MEAK7: variants seen among roughly 807,000 people sequenced by gnomAD.
MEAK7 encodes MTOR associated protein MEAK7.
A neutral mutation model predicts 40.5 loss-of-function variants in MEAK7; 68 were observed. The ratio of observed to expected loss-of-function variants is 1.68; its 90% CI spans 1.38 to 2.06. The LOEUF is 2.06. MEAK7 is among the 30% of genes most tolerant of loss of function. MEAK7 has a pLI of 0.00. For synonymous variants in MEAK7, 338 were observed against 231.9 expected (o/e 1.46, Z -4.16); for missense variants, 918 against 580.5 (o/e 1.58, Z -5.98).
Position 84,479,011 on chromosome 16 carries a change from C to T in MEAK7, c.*902G>A, listed in dbSNP as rs1912271511. The T allele has an allele frequency of 6.6e-6, 1 of 152,248 alleles. No individual in the cohort carries two copies. The highest frequency in any genetic ancestry group is 1.5e-5 in the Non-Finnish European group (1 of 68,052). 9.4% of individuals were successfully genotyped at this position (152,248 alleles called of 1,614,324 possible). A position where few individuals can be genotyped will look rare whatever the true frequency, so the allele number is the denominator to read the frequency against. ...AGTTAGCAAGAGAACCACAACTTTGCTTCTCTGTAGACAGATCTCCCAACT... is the reference window on the plus strand; with the variant it reads ...AGTTAGCAAGAGAACCACAACTTTGTTTCTCTGTAGACAGATCTCCCAACT... On this transcript the variant is annotated 3_prime_UTR_variant, in exon 8 of 8. Coordinates refer to ENST00000343629, the MANE Select transcript of MEAK7 (RefSeq NM_020947.4).
At chr16:84,494,391 A>T (rs1415747092) in intron 3 of MEAK7, among the ~76,000 whole-genome samples, 1 of 152,144 alleles carries the variant, frequency 6.6e-6, no homozygotes, top group Non-Finnish European at 1.5e-5. Context: ...TCCTGGCTAC[A>T]AGTCTTTAAA....
chr16:84,478,345 C>G lies in MEAK7; in HGVS notation c.*1568G>C, dbSNP rs1310334558. The G allele has an allele frequency of 1.3e-5, 2 of 152,172 alleles. No individual in the cohort carries two copies. The highest frequency in any genetic ancestry group is 6.5e-5 in the Admixed American group (1 of 15,284). The allele number at this position is 152,172 out of a possible 1,614,324, so 9.4% of individuals were successfully genotyped here. On this transcript the variant is annotated 3_prime_UTR_variant, in exon 8 of 8. Coordinates refer to ENST00000343629, the MANE Select transcript of MEAK7 (RefSeq NM_020947.4). ...TGAGCGTGCACTTTTCTTTCGAAGG[C>G]TAATTTATGAGGCATTCTGCCTGAG... is the stretch of plus-strand genomic sequence containing the variant.
rs181777719 is a variant in MEAK7, at chr16:84,479,802, C to A, written c.*111G>T. ...CATGTGGGACTACCAGGCTGTGACCCGTGCGGTACGCTATTACAGTTAAAC... is the reference window on the plus strand; with the variant it reads ...CATGTGGGACTACCAGGCTGTGACCAGTGCGGTACGCTATTACAGTTAAAC... On this transcript the variant is annotated 3_prime_UTR_variant, in exon 8 of 8. Transcript: ENST00000343629. 8 of 680,834 alleles carry A rather than the reference C, an allele frequency of 1.2e-5. No individual in the cohort carries two copies. In the East Asian group the frequency reaches 1.6e-4, roughly 14 times the overall value. 42.2% of individuals were successfully genotyped at this position (680,834 alleles called of 1,614,324 possible).
chr16:84,502,633 C>G (rs906326197), intron 1 of MEAK7: 5 of 151,728 alleles, frequency 3.3e-5, no homozygotes, highest in African/African-American at 1.2e-4. Context: ...CCTATAATCC[C>G]AGAACTTTGG....
intron 4 of MEAK7, 137 bp from the exon 5 acceptor site, chr16:84,487,196 G>A (rs1223405093): frequency 1.4e-5 from 11 of 770,104 alleles, no homozygotes; most frequent in African/African-American, 3.5e-5. Flanking sequence ...CGTGTGAATT[G>A]AGAGGTGCCG....
intron 2 of MEAK7, chr16:84,497,686 G>A: frequency 6.8e-7 from 1 of 1,475,862 alleles, no homozygotes; most frequent in Non-Finnish European, 9.0e-7. Context: ...TCAAAAACGG[G>A]GAGGGATGCG....
chr16:84,497,875 G>C (rs1303222358), intron 2 of MEAK7, 59 bp downstream of exon 2: 18 of 1,604,090 alleles, frequency 1.1e-5, no homozygotes, highest in Non-Finnish European at 1.5e-5. Context: ...TGGCCTGAAA[G>C]CCACAGTTTG....
intron 6 of MEAK7, among the ~76,000 whole-genome samples, chr16:84,481,218 A>C (rs1049576648): frequency 5.3e-5 from 8 of 152,200 alleles, no homozygotes; most frequent in African/African-American, 1.9e-4. Context: ...GGCGGATGCG[A>C]ACCCCTGTGC....
chr16:84,486,433 C>A, intron 5 of MEAK7, 198 bp downstream of exon 5: 9 of 1,370,646 alleles, frequency 6.6e-6, no homozygotes, highest in Non-Finnish European at 8.4e-6. Context: ...AACTGGGGGT[C>A]ACACGGCCTG....
intron 3 of MEAK7, among the ~76,000 whole-genome samples, chr16:84,492,184 G>A (rs985657408): frequency 6.6e-6 from 1 of 152,122 alleles, no homozygotes; most frequent in African/African-American, 2.4e-5. Context: ...TTAGTTCAGA[G>A]GTTCTCTGTA....
chr16:84,493,707 A>G (rs1913815330), intron 3 of MEAK7, among the ~76,000 whole-genome samples: 1 of 152,232 alleles, frequency 6.6e-6, no homozygotes, highest in African/African-American at 2.4e-5. Flanking sequence ...TTATTTGCAT[A>G]CATTCAATAA....
At chr16:84,496,036 G>T in intron 2 of MEAK7, 123 bp from the exon 3 acceptor site, 1 of 1,013,520 alleles carries the variant, frequency 9.9e-7, no homozygotes. Flanking sequence ...GTTTTTTAAA[G>T]CATCTCTGAA....
Position 84,479,815 on chromosome 16 carries a change from A to C in MEAK7, c.*98T>G. 1.1e-6 allele frequency: 1 copy of C among 883,442 alleles called. No homozygotes were observed. Among genetic ancestry groups the C allele is most frequent in the Non-Finnish European group, 1.7e-6 (1 of 594,070 alleles). 54.7% of individuals were successfully genotyped at this position (883,442 alleles called of 1,614,324 possible). On this transcript the variant is annotated 3_prime_UTR_variant, in exon 8 of 8. Transcript: ENST00000343629. ...CAGGCTGTGACCCGTGCGGTACGCT[A>C]TTACAGTTAAACCATGTGGGAGGGA... is the stretch of plus-strand genomic sequence containing the variant.
At chr16:84,493,868 T>C (rs963919370) in intron 3 of MEAK7, among the ~76,000 whole-genome samples, 1 of 152,146 alleles carries the variant, frequency 6.6e-6, no homozygotes, top group African/African-American at 2.4e-5. Flanking sequence ...CCTCACACTG[T>C]CCTTTACAGG....
intron 4 of MEAK7, chr16:84,488,458 A>G (rs1372238475): frequency 6.6e-6 from 1 of 152,124 alleles, no homozygotes; most frequent in African/African-American, 2.4e-5. Flanking sequence ...ATTTAAATAT[A>G]TACTGCTTCT....
chr16:84,485,181 G>C (rs765746449), intron 5 of MEAK7, among the ~76,000 whole-genome samples: 1 of 152,224 alleles, frequency 6.6e-6, no homozygotes, highest in African/African-American at 2.4e-5. Context: ...CCGTGGCAAG[G>C]CTGAGGCTGC....
chr16:84,495,948 G>C (rs368493355), intron 2 of MEAK7, 35 bp from the exon 3 acceptor site: 1 of 1,605,572 alleles, frequency 6.2e-7, no homozygotes, highest in African/African-American at 1.3e-5. Flanking sequence ...TGGTTAGACA[G>C]TGCACAAGTT....
At position 84,498,127 on chromosome 16, in the gene MEAK7, A is replaced by T. The variant is rs1166241061; in HGVS notation, c.-25-16T>A. 1.3e-6 allele frequency: 2 copies of T among 1,543,984 alleles called. No homozygotes were observed. Among genetic ancestry groups the T allele is most frequent in the African/African-American group, 2.8e-5 (2 of 72,156 alleles). On this transcript the variant is annotated splice_polypyrimidine_tract_variant and intron_variant, in intron 1 of 7. Coordinates refer to ENST00000343629, the MANE Select transcript of MEAK7 (RefSeq NM_020947.4). ...GCAGAATTCTCTGCAGAAGGAAAAG[A>T]CACAACATTAGAAAAATCAAAATTT...
At chr16:84,482,172 C>T (rs1246033826) in intron 6 of MEAK7, among the ~76,000 whole-genome samples, 2 of 152,180 alleles carry the variant, frequency 1.3e-5, no homozygotes, top group Non-Finnish European at 2.9e-5. Flanking sequence ...CCACGGTCAC[C>T]CCAACTGGGG....
Sources: gnomAD v4.1 joint callset for allele counts (sites outside exome capture counted in the v4.1 genomes callset) on GRCh38, gnomAD v4.1.1 for gene constraint, MANE v1.5 for transcripts, NCBI Gene and HGNC (gene_info 2026-07-23, HGNC 2026-07-21) for gene names.